TCF12: variants seen among roughly 807,000 people sequenced by gnomAD.
The protein encoded by TCF12 is DNA-binding protein HTF4.
A neutral mutation model predicts 86.0 loss-of-function variants in TCF12; 45 were observed. That is an observed-to-expected ratio of 0.52 (90% CI 0.41 to 0.67). TCF12 has a LOEUF of 0.67. TCF12 is among the 30% of genes least tolerant of loss of function. The pLI, the probability that TCF12 is intolerant of heterozygous loss-of-function variation, is 0.00. For synonymous variants in TCF12, 330 were observed against 299.6 expected, an observed-to-expected ratio of 1.10 and a Z score of -1.05; for missense variants, 881 against 859.9, an observed-to-expected ratio of 1.02 and a Z score of -0.31.
chr15:57,072,544 T>C, intron 4 of TCF12: 1 of 582,692 alleles, frequency 1.7e-6, no homozygotes, highest in African/African-American at 2.0e-5. Context: ...ATTGTTTTTA[T>C]TTTTGAAGGG....
At chr15:57,155,381 AGACT>A (rs2054044713) in intron 5 of TCF12, among the ~76,000 whole-genome samples, 2 of 152,338 alleles carry the variant, frequency 1.3e-5, no homozygotes, top group Non-Finnish European at 2.9e-5. Context: ...CAAGAAGTTG[AGACT>A]GGCCTTTACC....
chr15:56,942,154 T>G (rs1326678943), intron 3 of TCF12, among the ~76,000 whole-genome samples: 1 of 152,196 alleles, frequency 6.6e-6, no homozygotes, highest in Non-Finnish European at 1.5e-5. Flanking sequence ...ATTTGCTCTG[T>G]GTGAAAAGAG....
chr15:56,957,205 G>A (rs2061539172), intron 3 of TCF12, among the ~76,000 whole-genome samples: 1 of 152,164 alleles, frequency 6.6e-6, no homozygotes, highest in Admixed American at 6.5e-5. Context: ...TTGTCGTTAT[G>A]AATTACCCAG....
chr15:57,091,008 T>TA (rs1207266354), intron 4 of TCF12, among the ~76,000 whole-genome samples: 3 of 152,238 alleles, frequency 2.0e-5, no homozygotes, highest in Admixed American at 6.5e-5. Context: ...TTTAAAAAAA[T>TA]ATGTTTTAAA....
chr15:57,222,499 G>A (rs2151873265), intron 8 of TCF12, among the ~76,000 whole-genome samples: 1 of 151,924 alleles, frequency 6.6e-6, no homozygotes, highest in Admixed American at 6.6e-5. Flanking sequence ...TTGTGTAGCT[G>A]TATTCTTTAT....
intron 3 of TCF12, among the ~76,000 whole-genome samples, chr15:56,997,647 A>G (rs1450288485): frequency 6.6e-6 from 1 of 152,190 alleles, no homozygotes; most frequent in Non-Finnish European, 1.5e-5. Flanking sequence ...TATTCAAATA[A>G]CCCAAAAGAC....
At chr15:56,922,337 T>C (rs1327565847) in intron 3 of TCF12, among the ~76,000 whole-genome samples, 2 of 152,020 alleles carry the variant, frequency 1.3e-5, no homozygotes, top group African/African-American at 2.4e-5. Flanking sequence ...GCTTAAGTTA[T>C]GGTAAATATA....
chr15:56,999,128 G>A (rs1157937455), intron 3 of TCF12, among the ~76,000 whole-genome samples: 2 of 151,934 alleles, frequency 1.3e-5, no homozygotes, highest in Non-Finnish European at 2.9e-5. Context: ...AACCCGGGAA[G>A]CGGAGCTTGC....
chr15:57,115,899 A>G (rs2050804559), intron 5 of TCF12, among the ~76,000 whole-genome samples: 1 of 152,176 alleles, frequency 6.6e-6, no homozygotes, highest in Non-Finnish European at 1.5e-5. Context: ...GAGGAAAACA[A>G]AGATGTATTT....
At chr15:57,282,651 T>G in intron 20 of TCF12, 53 bp downstream of exon 20, 2 of 1,567,274 alleles carry the variant, frequency 1.3e-6, no homozygotes, top group Non-Finnish European at 1.7e-6. Flanking sequence ...AGATTCATCT[T>G]AAACTGGGTT....
intron 8 of TCF12, among the ~76,000 whole-genome samples, chr15:57,202,257 G>A (rs2057579445): frequency 6.6e-6 from 1 of 151,650 alleles, no homozygotes; most frequent in African/African-American, 2.4e-5. Flanking sequence ...TTAATACCTT[G>A]GTTTATTCAG....
At chr15:57,133,934 G>T (rs1424303950) in intron 5 of TCF12, among the ~76,000 whole-genome samples, 1 of 152,056 alleles carries the variant, frequency 6.6e-6, no homozygotes, top group Non-Finnish European at 1.5e-5. Context: ...TTGTTGTTTT[G>T]ATATGCCACT....
chr15:57,282,314 A>G, intron 19 of TCF12, 131 bp from the exon 20 acceptor site: 1 of 1,042,470 alleles, frequency 9.6e-7, no homozygotes, highest in Non-Finnish European at 1.4e-6. Context: ...TTATGTGAGC[A>G]CATTGTTTCT....
chr15:56,936,048 G>A (rs1415768807), intron 3 of TCF12, among the ~76,000 whole-genome samples: 1 of 152,118 alleles, frequency 6.6e-6, no homozygotes, highest in East Asian at 1.9e-4. Flanking sequence ...TCTACTTTTA[G>A]TTCTTTAAGG....
At chr15:57,146,202 A>T (rs928301582) in intron 5 of TCF12, among the ~76,000 whole-genome samples, 11 of 152,212 alleles carry the variant, frequency 7.2e-5, no homozygotes, top group Non-Finnish European at 1.5e-4. Context: ...CCCCAGGGTA[A>T]TAATGAGGGT....
intron 3 of TCF12, among the ~76,000 whole-genome samples, chr15:56,977,567 GTA>G (rs1266764824): frequency 6.6e-6 from 1 of 150,934 alleles, no homozygotes; most frequent in East Asian, 1.9e-4. Context: ...GTGTGTGTAT[GTA>G]TGTGTGGAGA....
Position 57,232,882 on chromosome 15 carries a change from T to C in TCF12, c.970+26T>C, listed in dbSNP as rs770884671. The stretch of plus-strand genomic sequence containing the variant: ...GTGAGCTTTTTGAGTTGGCAAAACT[T>C]CCTAAAAGTTTGTGGACTTTCAGTG... On this transcript the variant is annotated intron_variant, in intron 11 of 20. Transcript: ENST00000333725. The C allele has an allele frequency of 2.0e-6, 3 of 1,509,640 alleles. No homozygotes were observed. The East Asian group carries it at 7.6e-5, about 38-fold the overall frequency. The allele number at this position is 1,509,640 out of a possible 1,614,324, so 93.5% of individuals were successfully genotyped here.
At chr15:57,159,667 G>T (rs1334169430) in intron 5 of TCF12, among the ~76,000 whole-genome samples, 1 of 151,764 alleles carries the variant, frequency 6.6e-6, no homozygotes, top group African/African-American at 2.4e-5. Context: ...GAAACATCCA[G>T]GAATTGTTTC....
chr15:57,121,236 C>T (rs900743637), intron 5 of TCF12, among the ~76,000 whole-genome samples: 3 of 152,180 alleles, frequency 2.0e-5, no homozygotes, highest in Non-Finnish European at 4.4e-5. Context: ...CTTAACTTCG[C>T]TGATGGATAG....
Sources: gnomAD v4.1 joint callset for allele counts (sites outside exome capture counted in the v4.1 genomes callset) on GRCh38, gnomAD v4.1.1 for gene constraint, MANE v1.5 for transcripts, NCBI Gene and HGNC (gene_info 2026-07-23, HGNC 2026-07-21) for gene names.